The following SLC25A21 variants were observed in gnomAD, a reference collection of about 807,000 sequenced individuals.
SLC25A21 encodes the protein solute carrier family 25 member 21.
SLC25A21 carries 47 observed loss-of-function variants against 43.8 expected under a neutral mutation model. That is an observed-to-expected ratio of 1.07 (90% CI 0.85 to 1.37). The LOEUF (loss-of-function observed/expected upper bound fraction) is 1.37. Among genes scored for constraint, SLC25A21 ranks in the 40% most tolerant of loss-of-function variants. The pLI is 0.00. For missense variants in SLC25A21, 352 were observed against 350.2 expected, an observed-to-expected ratio of 1.00 and a Z score of -0.04; for synonymous variants, 131 against 121.3, an observed-to-expected ratio of 1.08 and a Z score of -0.52.
intron 1 of SLC25A21, among the ~76,000 whole-genome samples, chr14:37,024,236 T>C (rs966695923): frequency 6.6e-6 from 1 of 152,130 alleles, no homozygotes; most frequent in Non-Finnish European, 1.5e-5. Flanking sequence ...CATTGTGTTA[T>C]AACTGAGCCA....
intron 1 of SLC25A21, among the ~76,000 whole-genome samples, chr14:37,003,322 T>C (rs996113909): frequency 3.3e-5 from 5 of 152,172 alleles, no homozygotes; most frequent in Admixed American, 6.5e-5. Flanking sequence ...CATGATGAGA[T>C]GAAGTGAGGT....
intron 3 of SLC25A21, among the ~76,000 whole-genome samples, chr14:36,739,353 T>C (rs1223318527): frequency 6.6e-6 from 1 of 152,192 alleles, no homozygotes; most frequent in Non-Finnish European, 1.5e-5. Context: ...ATAAACTTTT[T>C]CCTCCCCAAG....
intron 7 of SLC25A21, among the ~76,000 whole-genome samples, chr14:36,694,216 A>G (rs936517215): frequency 1.3e-5 from 2 of 152,100 alleles, no homozygotes; most frequent in Admixed American, 1.3e-4. Flanking sequence ...TCCAGCTTCA[A>G]CCACGTCCCT....
At chr14:37,002,572 T>C (rs1960511993) in intron 1 of SLC25A21, among the ~76,000 whole-genome samples, 1 of 152,176 alleles carries the variant, frequency 6.6e-6, no homozygotes, top group South Asian at 2.1e-4. Context: ...CCTCTGTAGC[T>C]TGTCTGTAAA....
At chr14:36,844,988 G>A (rs1594635444) in intron 2 of SLC25A21, among the ~76,000 whole-genome samples, 1 of 152,256 alleles carries the variant, frequency 6.6e-6, no homozygotes, top group East Asian at 1.9e-4. Flanking sequence ...TTTTGAAAAG[G>A]GCAGTAAACA....
intron 7 of SLC25A21, among the ~76,000 whole-genome samples, chr14:36,698,328 C>A (rs1285789801): frequency 6.6e-6 from 1 of 152,190 alleles, no homozygotes; most frequent in East Asian, 1.9e-4. Flanking sequence ...TGACCTTTCT[C>A]TCTGGCTGCC....
Position 36,805,764 on chromosome 14 carries a change from A to G in SLC25A21, c.203+8154T>C, listed in dbSNP as rs1473743394. ...AATTTAAAGTTCTTAGCTACATAGCATAATGTTTCTGTAAAAAGAGATTAC... is the reference window on the plus strand; with the variant it reads ...AATTTAAAGTTCTTAGCTACATAGCGTAATGTTTCTGTAAAAAGAGATTAC... On this transcript the variant is annotated intron_variant, in intron 3 of 9. Transcript: ENST00000331299. Among the ~76,000 whole-genome samples the G allele has an allele frequency of 2.0e-5, 3 of 152,228 alleles. No individual in the cohort carries two copies. In the East Asian group the frequency reaches 5.8e-4, roughly 29 times the overall value.
intron 7 of SLC25A21, among the ~76,000 whole-genome samples, chr14:36,707,981 G>C (rs1883652502): frequency 6.6e-6 from 1 of 152,124 alleles, no homozygotes; most frequent in African/African-American, 2.4e-5. Flanking sequence ...AAAAAAATTA[G>C]CTGAGTGTGG....
At chr14:36,825,516 T>C (rs1888796658) in intron 2 of SLC25A21, among the ~76,000 whole-genome samples, 2 of 152,208 alleles carry the variant, frequency 1.3e-5, no homozygotes, top group East Asian at 1.9e-4. Context: ...TTAACAAACA[T>C]TTAATAAAAC....
chr14:36,835,873 G>A (rs895217716), intron 2 of SLC25A21, among the ~76,000 whole-genome samples: 2 of 152,136 alleles, frequency 1.3e-5, no homozygotes, highest in Non-Finnish European at 2.9e-5. Flanking sequence ...CTGTGGGGTG[G>A]ACCCTCTTTC....
At chr14:36,780,867 A>C (rs1176432219) in intron 3 of SLC25A21, among the ~76,000 whole-genome samples, 4 of 151,992 alleles carry the variant, frequency 2.6e-5, no homozygotes, top group Non-Finnish European at 5.9e-5. Flanking sequence ...CTCAAGTCTA[A>C]TGTTTCCTTG....
intron 1 of SLC25A21, among the ~76,000 whole-genome samples, chr14:37,108,999 G>A (rs1198437837): frequency 6.6e-6 from 1 of 151,858 alleles, no homozygotes; most frequent in Non-Finnish European, 1.5e-5. Context: ...CTCACTAAGT[G>A]TACTCATCTC....
rs555744168 is a variant in SLC25A21 at position 36,710,235 on chromosome 14, C to T, written c.603+1083G>A. Among the ~76,000 whole-genome samples the T allele has an allele frequency of 1.4e-3, 214 of 151,568 alleles. 1 individual carries two copies. The highest frequency in any genetic ancestry group is 2.5e-3 in the Non-Finnish European group (170 of 67,834). ...AAATAAAAAAAAAATTAGCTGGGTG[C>T]GGTGGTGGGCACCTGTAATCTCAGC... On this transcript the variant is annotated intron_variant, in intron 7 of 9. Coordinates refer to ENST00000331299, the MANE Select transcript of SLC25A21 (RefSeq NM_030631.4).
At chr14:36,934,469 TAA>T (rs5807923) in intron 1 of SLC25A21, among the ~76,000 whole-genome samples, 1,683 of 140,372 alleles carry the variant, frequency 0.012, 5 homozygotes, top group Middle Eastern at 0.019. Flanking sequence ...ATCTTGGGAG[TAA>T]AAAAAAAAAA....
chr14:37,025,764 A>T (rs1254129098), intron 1 of SLC25A21, among the ~76,000 whole-genome samples: 1 of 152,128 alleles, frequency 6.6e-6, no homozygotes, highest in Non-Finnish European at 1.5e-5. Context: ...TGAACTTCAG[A>T]CATAGATGTT....
intron 1 of SLC25A21, among the ~76,000 whole-genome samples, chr14:36,942,883 T>C (rs1279625319): frequency 6.6e-6 from 1 of 152,196 alleles, no homozygotes; most frequent in Non-Finnish European, 1.5e-5. Flanking sequence ...TGCAGAGGTA[T>C]AGTTATTTTT....
chr14:37,002,084 T>A (rs1162211031), intron 1 of SLC25A21, among the ~76,000 whole-genome samples: 1 of 152,134 alleles, frequency 6.6e-6, no homozygotes, highest in Non-Finnish European at 1.5e-5. Flanking sequence ...GGGATTAAAA[T>A]GAATATGACA....
intron 1 of SLC25A21, among the ~76,000 whole-genome samples, chr14:36,917,736 T>G (rs1439671712): frequency 6.6e-6 from 1 of 152,010 alleles, no homozygotes; most frequent in African/African-American, 2.4e-5. Context: ...AAAATATTAT[T>G]TATAAAAAAG....
chr14:37,044,992 A>G (rs1961556971), intron 1 of SLC25A21, among the ~76,000 whole-genome samples: 1 of 152,090 alleles, frequency 6.6e-6, no homozygotes, highest in South Asian at 2.1e-4. Flanking sequence ...ATGTAAAAAC[A>G]TTTTCTTTTG....
Sources: allele counts gnomAD v4.1 joint callset (sites outside exome capture counted in the v4.1 genomes callset), GRCh38; gene constraint gnomAD v4.1.1; transcripts MANE v1.5; gene names NCBI Gene and HGNC (gene_info 2026-07-23, HGNC 2026-07-21).